The following AP3B1 variants were observed in gnomAD, a reference collection of about 807,000 sequenced individuals.
The protein encoded by AP3B1 is AP-3 complex subunit beta-1.
Under a neutral mutation model 132.5 loss-of-function variants are expected in AP3B1, and 61 were observed. The ratio of observed to expected loss-of-function variants is 0.46; its 90% CI spans 0.37 to 0.57. AP3B1 has a LOEUF of 0.57. Among genes scored for constraint, AP3B1 ranks in the 20% least tolerant of loss-of-function variants. The pLI is 0.00. For missense variants in AP3B1, 1,120 were observed against 1,289.4 expected (o/e 0.87, Z 2.01); for synonymous variants, 388 against 438.3 (o/e 0.89, Z 1.43).
chr5:78,029,687 A>C (rs1747491075), intron 24 of AP3B1, among the ~76,000 whole-genome samples: 1 of 152,062 alleles, frequency 6.6e-6, no homozygotes, highest in African/African-American at 2.4e-5. Flanking sequence ...TTTTGAATAG[A>C]GACAAGTTCT....
intron 7 of AP3B1, among the ~76,000 whole-genome samples, chr5:78,202,222 G>C (rs914219178): frequency 3.3e-5 from 5 of 152,158 alleles, no homozygotes; most frequent in African/African-American, 1.2e-4. Context: ...CAGCCACGTA[G>C]AACTGTAAGT....
chr5:78,146,905 C>A (rs1753424465), intron 14 of AP3B1, among the ~76,000 whole-genome samples: 1 of 152,038 alleles, frequency 6.6e-6, no homozygotes, highest in Admixed American at 6.6e-5. Context: ...TCAAAGAATG[C>A]AAAATCTTTA....
intron 7 of AP3B1, among the ~76,000 whole-genome samples, chr5:78,192,425 C>T (rs1181729653): frequency 2.6e-5 from 4 of 151,516 alleles, no homozygotes; most frequent in Non-Finnish European, 5.9e-5. Flanking sequence ...GTGGATCACC[C>T]GAGGTCAGGA....
chr5:78,263,280 ATT>A (rs1748174161), intron 2 of AP3B1, among the ~76,000 whole-genome samples: 1 of 152,104 alleles, frequency 6.6e-6, no homozygotes, highest in African/African-American at 2.4e-5. Flanking sequence ...ATAAATGAAT[ATT>A]TGTTTAATTT....
chr5:78,227,191 A>G (rs1746432443), intron 5 of AP3B1, among the ~76,000 whole-genome samples, 181 bp downstream of exon 5: 1 of 152,192 alleles, frequency 6.6e-6, no homozygotes, highest in South Asian at 2.1e-4. Context: ...CTCTATAGCC[A>G]AAACGAAATT....
At chr5:78,106,256 G>A (rs577638362) in intron 20 of AP3B1, among the ~76,000 whole-genome samples, 5 of 152,072 alleles carry the variant, frequency 3.3e-5, no homozygotes, top group South Asian at 4.2e-4. Flanking sequence ...CCAGGAGGTC[G>A]AGACCAGCCT....
intron 17 of AP3B1, among the ~76,000 whole-genome samples, chr5:78,121,213 T>C (rs1752176277): frequency 6.6e-6 from 1 of 152,056 alleles, no homozygotes; most frequent in African/African-American, 2.4e-5. Context: ...GGGAAATTTA[T>C]AGCACTGAAT....
rs1753129765 is a variant in AP3B1, at chr5:78,141,173, T to TC, written c.1619dup (p.Ala541SerfsTer25). On this transcript the variant is annotated frameshift_variant, in exon 15 of 27. Transcript: ENST00000255194. LOFTEE classifies it high-confidence loss of function. ...TGGAGTTGGTTAAATACAATTTTGC[T>TC]CCCAGATTTAATATCTGCAGTTTTA... 27 of 1,613,746 alleles carry TC rather than the reference T, an allele frequency of 1.7e-5. No homozygotes were observed. The highest frequency in any genetic ancestry group is 2.2e-5 in the Non-Finnish European group (26 of 1,179,728).
chr5:78,153,090 G>A (rs1053320277), intron 14 of AP3B1, among the ~76,000 whole-genome samples: 13 of 152,120 alleles, frequency 8.5e-5, no homozygotes, highest in Non-Finnish European at 1.9e-4. Flanking sequence ...ATGTTTCTTT[G>A]TTGGTATTCT....
chr5:78,180,850 T>A (rs977755917), intron 8 of AP3B1, among the ~76,000 whole-genome samples: 9 of 151,994 alleles, frequency 5.9e-5, no homozygotes, highest in African/African-American at 2.2e-4. Context: ...TTCTTTTTAG[T>A]TTTGCTAGCC....
chr5:78,041,521 T>C (rs1437129746), intron 22 of AP3B1, among the ~76,000 whole-genome samples: 1 of 151,530 alleles, frequency 6.6e-6, no homozygotes, highest in African/African-American at 2.4e-5. Flanking sequence ...ATTAGGTCAC[T>C]GCACTCCCGC....
At chr5:78,024,450 T>A (rs1018474638) in intron 24 of AP3B1, among the ~76,000 whole-genome samples, 22 of 152,002 alleles carry the variant, frequency 1.4e-4, no homozygotes, top group African/African-American at 5.1e-4. Flanking sequence ...AGTGCAGTGG[T>A]GTGATGACAG....
chr5:78,266,470 T>C (rs537656921), intron 2 of AP3B1, among the ~76,000 whole-genome samples: 1 of 152,302 alleles, frequency 6.6e-6, no homozygotes, highest in South Asian at 2.1e-4. Flanking sequence ...CACCTCACTT[T>C]TTAACAGAGC....
intron 7 of AP3B1, among the ~76,000 whole-genome samples, chr5:78,212,844 C>A (rs1394550340): frequency 6.6e-6 from 1 of 152,082 alleles, no homozygotes; most frequent in African/African-American, 2.4e-5. Flanking sequence ...TAGCTATGGT[C>A]AAACTCTGCT....
intron 20 of AP3B1, among the ~76,000 whole-genome samples, chr5:78,106,907 A>C (rs1037613102): frequency 6.6e-5 from 10 of 152,200 alleles, no homozygotes; most frequent in Non-Finnish European, 1.3e-4. Context: ...AGGTCTAAAA[A>C]TTTGGTATGA....
chr5:78,186,228 G>C (rs1303310266), intron 7 of AP3B1, among the ~76,000 whole-genome samples: 1 of 151,842 alleles, frequency 6.6e-6, no homozygotes, highest in African/African-American at 2.4e-5. Flanking sequence ...ATTAATCAAG[G>C]GAAAGCACAA....
chr5:78,053,892 T>C (rs1748697047), intron 22 of AP3B1, among the ~76,000 whole-genome samples: 1 of 144,452 alleles, frequency 6.9e-6, no homozygotes, highest in Non-Finnish European at 1.5e-5. Context: ...AACTCCTTCA[T>C]ACACTCAGCA....
intron 2 of AP3B1, among the ~76,000 whole-genome samples, chr5:78,243,787 GA>G (rs1747250157): frequency 1.3e-5 from 2 of 151,938 alleles, no homozygotes; most frequent in Non-Finnish European, 2.9e-5. Context: ...AGCCAGACTG[GA>G]GTAAGTGAGG....
intron 9 of AP3B1, 141 bp from the exon 10 acceptor site, chr5:78,175,979 A>T (rs977070330): frequency 1.7e-5 from 12 of 706,468 alleles, no homozygotes; most frequent in Non-Finnish European, 2.7e-5. Flanking sequence ...TTTTTAGTAA[A>T]TCTTAGATGT....
Sources: allele counts gnomAD v4.1 joint callset (sites outside exome capture counted in the v4.1 genomes callset), GRCh38; gene constraint gnomAD v4.1.1; transcripts MANE v1.5; gene names NCBI Gene and HGNC (gene_info 2026-07-23, HGNC 2026-07-21).